Variants in NTRK2 observed in about 807,000 individuals in gnomAD.
NTRK2 encodes neurotrophic receptor tyrosine kinase 2.
In NTRK2, 13 loss-of-function variants were observed where a neutral mutation model predicts 94.5. The observed-to-expected ratio is 0.14, with a 90% CI of 0.09 to 0.22. The LOEUF (loss-of-function observed/expected upper bound fraction) is 0.22. Ranked by LOEUF, NTRK2 falls within the 10% of genes least tolerant of loss-of-function variation. The probability of loss-of-function intolerance (pLI) is 1.00; values close to 1 mark genes in which losing one functional copy is unlikely to be tolerated. For synonymous variants in NTRK2, 372 were observed against 407.4 expected (o/e 0.91, Z 1.05); for missense variants, 639 against 1,071.2 (o/e 0.60, Z 5.63).
intron 12 of NTRK2, among the ~76,000 whole-genome samples, chr9:84,796,767 G>A (rs1398311441): frequency 1.3e-5 from 2 of 152,104 alleles, no homozygotes; most frequent in African/African-American, 2.4e-5. Context: ...GAAACAAGAT[G>A]GGTGGTAGGA....
rs1039935825 is a variant in NTRK2 at position 85,021,525 on chromosome 9, C to G, written c.*88C>G. Reference sequence around the variant, plus strand: ...TCTTTTAACTGCCGCTGGAGGCCACCAAGCTGCTCTCCTTCACTCTGACAG... The same window carrying G: ...TCTTTTAACTGCCGCTGGAGGCCACGAAGCTGCTCTCCTTCACTCTGACAG... On this transcript the variant is annotated 3_prime_UTR_variant, in exon 19 of 19. Coordinates refer to ENST00000277120, the MANE Select transcript of NTRK2 (RefSeq NM_006180.6). 1 of 1,290,928 alleles carries G rather than the reference C, an allele frequency of 7.7e-7. No individual in the cohort carries two copies. The highest frequency in any genetic ancestry group is 1.5e-5 in the African/African-American group (1 of 68,430). The allele number at this position is 1,290,928 out of a possible 1,614,324, so 80.0% of individuals were successfully genotyped here.
intron 12 of NTRK2, among the ~76,000 whole-genome samples, chr9:84,757,700 A>G (rs1261891408): frequency 1.3e-5 from 2 of 152,226 alleles, no homozygotes; most frequent in African/African-American, 4.8e-5. Context: ...TCTGACACTT[A>G]GTAATTGCTC....
At chr9:85,010,886 A>G (rs1393070350) in intron 17 of NTRK2, among the ~76,000 whole-genome samples, 2 of 152,174 alleles carry the variant, frequency 1.3e-5, no homozygotes, top group Admixed American at 6.5e-5. Context: ...TAAATTGTGT[A>G]CAGTATACAA....
intron 17 of NTRK2, among the ~76,000 whole-genome samples, chr9:85,006,106 A>T (rs895935504): frequency 6.6e-6 from 1 of 152,186 alleles, no homozygotes; most frequent in African/African-American, 2.4e-5. Flanking sequence ...TATCAACTCC[A>T]TGGTTAAGGA....
intron 17 of NTRK2, among the ~76,000 whole-genome samples, chr9:84,976,738 C>A (rs972503640): frequency 1.3e-5 from 2 of 151,816 alleles, no homozygotes; most frequent in African/African-American, 2.4e-5. Flanking sequence ...AAAAAAAAAA[C>A]TATAAACACA....
chr9:85,023,503 TGAC>T lies in NTRK2; in HGVS notation c.*2067_*2069del, dbSNP rs1832884270. The T allele has an allele frequency of 8.6e-6, 2 of 232,702 alleles. No individual in the cohort carries two copies. Among genetic ancestry groups the T allele is most frequent in the Non-Finnish European group, 1.7e-5 (2 of 117,792 alleles). 14.4% of individuals were successfully genotyped at this position (232,702 alleles called of 1,614,324 possible). A position where few individuals can be genotyped will look rare whatever the true frequency, so the allele number is the denominator to read the frequency against. ...AGCAACTGCAGTCAAGCGAGGGAGT[TGAC>T]AAGATAAACCTTACGTCCATTCAAG... On this transcript the variant is annotated 3_prime_UTR_variant, in exon 19 of 19. Coordinates refer to ENST00000277120, the MANE Select transcript of NTRK2 (RefSeq NM_006180.6).
At chr9:85,002,491 G>A (rs1316193256) in intron 17 of NTRK2, among the ~76,000 whole-genome samples, 2 of 152,072 alleles carry the variant, frequency 1.3e-5, no homozygotes, top group Admixed American at 6.6e-5. Flanking sequence ...TTCACTCCAG[G>A]GGTAACCACT....
In NTRK2 at chr9:84,874,470, A is replaced by T. The variant is rs190276799; in HGVS notation, c.1633+7039A>T. 2.0e-5 allele frequency: 21 copies of T among 1,065,908 alleles called. No homozygotes were observed. The Admixed American group carries it at 7.5e-4, about 38-fold the overall frequency. The allele number at this position is 1,065,908 out of a possible 1,614,324, so 66.0% of individuals were successfully genotyped here. ...TTCTTCTCAGATTAATTGTCATGCC[A>T]GGTCTCCTTCCTGGGGAGCTGTGAT... On this transcript the variant is annotated intron_variant, in intron 14 of 18. Transcript: ENST00000277120.
chr9:84,999,786 C>T (rs1830139271), intron 17 of NTRK2, among the ~76,000 whole-genome samples: 1 of 152,200 alleles, frequency 6.6e-6, no homozygotes, highest in African/African-American at 2.4e-5. Context: ...CTTCCAGCCA[C>T]ACTGACTCCC....
rs138993297 is a variant in NTRK2 at position 84,782,176 on chromosome 9, C to G, written c.1396+30091C>G. ...GTTGTTTGTCTCGTTAACTGCCAGA[C>G]AATCCATCTCTGGTTCCATAGGGAA... On this transcript the variant is annotated intron_variant, in intron 12 of 18. Transcript: ENST00000277120. 3.3e-3 allele frequency among the ~76,000 whole-genome samples: 510 copies of G among 152,250 alleles called. 7 individuals are homozygous for G. Among genetic ancestry groups the G allele is most frequent in the African/African-American group, 0.011 (465 of 41,544 alleles).
intron 17 of NTRK2, among the ~76,000 whole-genome samples, chr9:85,007,409 A>C (rs1490407): frequency 0.72 from 109,953 of 152,062 alleles, 40,298 homozygotes; most frequent in Middle Eastern, 0.8. Flanking sequence ...AACGGGGCAC[A>C]AGCAGCCATT....
intron 17 of NTRK2, among the ~76,000 whole-genome samples, chr9:84,970,587 G>T (rs1826078046): frequency 6.6e-6 from 1 of 152,056 alleles, no homozygotes; most frequent in Admixed American, 6.5e-5. Flanking sequence ...GTCAGCGCTG[G>T]GCAGGGCAGT....
intron 14 of NTRK2, among the ~76,000 whole-genome samples, chr9:84,932,203 G>A (rs1011588864): frequency 6.6e-6 from 1 of 152,158 alleles, no homozygotes; most frequent in South Asian, 2.1e-4. Flanking sequence ...ATACATGGTG[G>A]TACAGTCCTT....
rs542118999 is a variant in NTRK2, at chr9:84,738,292, T to A, written c.1160-3600T>A. On this transcript the variant is annotated intron_variant, in intron 9 of 18. Coordinates refer to ENST00000277120, the MANE Select transcript of NTRK2 (RefSeq NM_006180.6). Reference sequence around the variant, plus strand: ...AAGTCAGATACAGCTTCTTTGTCTTTCATTAATTCTCTTCTTCTTGGATTT... The same window carrying A: ...AAGTCAGATACAGCTTCTTTGTCTTACATTAATTCTCTTCTTCTTGGATTT... 7.9e-5 allele frequency among the ~76,000 whole-genome samples: 12 copies of A among 151,758 alleles called. No homozygotes were observed. The East Asian group carries it at 2.1e-3, about 27-fold the overall frequency.
At chr9:84,866,247 T>C (rs1185316305) in intron 13 of NTRK2, among the ~76,000 whole-genome samples, 1 of 152,264 alleles carries the variant, frequency 6.6e-6, no homozygotes, top group Non-Finnish European at 1.5e-5. Context: ...GTCAAATGTA[T>C]ATCTGGTCTA....
chr9:84,741,899 C>A lies in NTRK2; in HGVS notation c.1167C>A (p.Asn389Lys). The A allele has an allele frequency of 1.9e-6, 3 of 1,612,994 alleles. No homozygotes were observed. The highest frequency in any genetic ancestry group is 2.5e-6 in the Non-Finnish European group (3 of 1,179,542). The change falls in exon 10 of 19, where the codon AAC becomes AAA. Residue 389 changes from asparagine to lysine, a missense_variant. By Grantham distance (94) the Asn-to-Lys change is moderately conservative. Around this residue, in one of 5 missense-constraint regions of NTRK2, gnomAD observed 343 missense variants for 571.5 expected, o/e 0.60. Coordinates refer to ENST00000277120, the MANE Select transcript of NTRK2 (RefSeq NM_006180.6). Reference sequence around the variant, plus strand: ...CTCTGTTTTGCCTTTTAGGTGCAAACCCAAATTATCCTGATGTAATTTATG... The same window carrying A: ...CTCTGTTTTGCCTTTTAGGTGCAAAACCAAATTATCCTGATGTAATTTATG... ...MGWPGIDDGANPNYPDVIYED... is the reference protein window; with the variant it reads ...MGWPGIDDGAKPNYPDVIYED...
At chr9:84,714,155 C>T (rs1012818557) in intron 6 of NTRK2, among the ~76,000 whole-genome samples, 2 of 152,124 alleles carry the variant, frequency 1.3e-5, no homozygotes, top group African/African-American at 2.4e-5. Context: ...TCAGCTGTTT[C>T]TCCAGCTGCT....
intron 12 of NTRK2, among the ~76,000 whole-genome samples, chr9:84,844,274 A>G (rs1432246752): frequency 1.3e-5 from 2 of 152,246 alleles, no homozygotes; most frequent in African/African-American, 4.8e-5. Flanking sequence ...GGCCTGGGCC[A>G]GAGTGCTGGC....
intron 2 of NTRK2, among the ~76,000 whole-genome samples, chr9:84,680,892 T>G (rs2059350102): frequency 6.6e-6 from 1 of 152,208 alleles, no homozygotes; most frequent in Non-Finnish European, 1.5e-5. Context: ...TCTCACTCCC[T>G]CCTTCTTGAA....
Sources: allele counts gnomAD v4.1 joint callset (sites outside exome capture counted in the v4.1 genomes callset), GRCh38; gene constraint gnomAD v4.1.1; regional missense constraint gnomAD v4.1.1; transcripts MANE v1.5; gene names NCBI Gene and HGNC (gene_info 2026-07-23, HGNC 2026-07-21).